TTC14: variants seen among roughly 807,000 people sequenced by gnomAD.
TTC14 encodes the protein tetratricopeptide repeat protein 14.
Under a neutral mutation model 79.9 loss-of-function variants are expected in TTC14, and 63 were observed. The observed-to-expected ratio is 0.79, with a 90% CI of 0.64 to 0.97. The LOEUF (loss-of-function observed/expected upper bound fraction) is 0.97, where lower values mean the gene tolerates loss of function less well. Among genes scored for constraint, TTC14 ranks in the 50% least tolerant of loss-of-function variants. TTC14 has a pLI of 0.00. For synonymous variants in TTC14, 335 were observed against 309.6 expected (o/e 1.08, Z -0.86); for missense variants, 895 against 894.0 (o/e 1.00, Z -0.01).
chr3:180,603,773 T>C (rs1560071207), intron 3 of TTC14: 1 of 221,910 alleles, frequency 4.5e-6, no homozygotes, highest in African/African-American at 2.4e-5. Context: ...CCAAGATGGA[T>C]AGTCCTGAAT....
rs1225379406 is a variant in TTC14 at position 180,610,066 on chromosome 3, A to C, written c.1837A>C (p.Thr613Pro). 2 of 1,613,966 alleles carry C rather than the reference A, an allele frequency of 1.2e-6. No homozygotes were observed. The highest frequency in any genetic ancestry group is 1.7e-5 in the Admixed American group (1 of 60,004). Reference sequence around the variant, plus strand: ...TAAAACCCAAGCAGGTAGTAGCAAAACAGAAAAGCCATATAAATCAGAAAG... The same window carrying C: ...TAAAACCCAAGCAGGTAGTAGCAAACCAGAAAAGCCATATAAATCAGAAAG... ...SYKTQAGSSK[T>P]EKPYKSERHF... is the part of the protein sequence containing the mutation. The change falls in exon 12 of 12, where the codon ACA becomes CCA. Residue 613 changes from threonine (T) to proline (P), a missense_variant. By Grantham distance (38) the Thr-to-Pro change is conservative (BLOSUM62 -1). Coordinates refer to ENST00000296015, the MANE Select transcript of TTC14 (RefSeq NM_133462.4).
At chr3:180,614,944 T>C, downstream of TTC14, 1 of 1,565,630 alleles carries the variant, frequency 6.4e-7, no homozygotes, top group Non-Finnish European at 8.7e-7. Flanking sequence ...TTTTTGCTCT[T>C]AACATTACTA....
intron 7 of TTC14, 182 bp from the exon 8 acceptor site, chr3:180,606,071 A>G: frequency 2.2e-6 from 2 of 902,674 alleles, no homozygotes; most frequent in Non-Finnish European, 3.3e-6. Flanking sequence ...TCTAGGTTTC[A>G]CCAATATTTG....
downstream of TTC14, among the ~76,000 whole-genome samples, chr3:180,615,590 C>A (rs934113904): frequency 6.6e-6 from 1 of 152,000 alleles, no homozygotes; most frequent in African/African-American, 2.4e-5. Flanking sequence ...TATATAGAAA[C>A]AGTTTTTTAT....
At chr3:180,616,732 G>A in intron 12 of TTC14, 1 of 1,572,188 alleles carries the variant, frequency 6.4e-7, no homozygotes, top group Non-Finnish European at 8.6e-7. Context: ...CTATAAACGT[G>A]TTTACCAGAA....
chr3:180,608,543 A>AT, intron 10 of TTC14, 158 bp from the exon 11 acceptor site: 6 of 1,253,694 alleles, frequency 4.8e-6, no homozygotes, highest in Non-Finnish European at 6.1e-6. Flanking sequence ...TGTATGACTA[A>AT]TTTTTTTATG....
chr3:180,605,589 TACTGTTTA>T (rs1716635131), intron 6 of TTC14, 169 bp from the exon 7 acceptor site: 1 of 528,414 alleles, frequency 1.9e-6, no homozygotes, highest in Non-Finnish European at 3.2e-6. Context: ...CCAAGAAAAA[TACTGTTTA>T]ACAATAATAA....
chr3:180,616,718 T>G, intron 12 of TTC14: 1 of 1,578,948 alleles, frequency 6.3e-7, no homozygotes. Flanking sequence ...AATAGTCAAT[T>G]ATTCTATAAA....
At chr3:180,606,186 T>C (rs761673713) in intron 7 of TTC14, 67 bp from the exon 8 acceptor site, 167 of 1,588,044 alleles carry the variant, frequency 1.1e-4, no homozygotes, top group Non-Finnish European at 1.3e-4. Context: ...TTAAAACTTA[T>C]TCACACTAAC....
chr3:180,607,629 ATCTT>A lies in TTC14; in HGVS notation c.1173-12_1173-9del, dbSNP rs754944795. 1.9e-6 allele frequency: 3 copies of A among 1,594,202 alleles called. No individual in the cohort carries two copies. The highest frequency in any genetic ancestry group is 1.4e-5 in the African/African-American group (1 of 73,676). ...TTTGTTGTTTTTACAAAAAAGCTAAATCTTTCTTTCAAATTTAGGTTAGAAGAAG... is the reference window on the plus strand; with the variant it reads ...TTTGTTGTTTTTACAAAAAAGCTAAATCTTTCAAATTTAGGTTAGAAGAAG... On this transcript the variant is annotated splice_polypyrimidine_tract_variant and intron_variant, in intron 9 of 11. Transcript: ENST00000296015.
chr3:180,610,013 A>T lies in TTC14; in HGVS notation c.1784A>T (p.Glu595Val). 6.2e-7 allele frequency: 1 copy of T among 1,614,064 alleles called. No homozygotes were observed. The highest frequency in any genetic ancestry group is 8.5e-7 in the Non-Finnish European group (1 of 1,179,958). The change falls in exon 12 of 12, where the codon GAA becomes GTA. Residue 595 changes from glutamate (E) to valine (V), a missense_variant. Coordinates refer to ENST00000296015, the MANE Select transcript of TTC14 (RefSeq NM_133462.4). ...CCGGATGATTTTGGAGGTAGGTCTG[A>T]AGATCCAAGAGATTTTTATAACAGC... is the stretch of plus-strand genomic sequence containing the variant. ...EIPDDFGGRS[E>V]DPRDFYNSYK...
rs778558578 is a variant in TTC14, at chr3:180,606,330, T to C, written c.1007T>C (p.Ile336Thr). The C allele has an allele frequency of 5.0e-6, 8 of 1,614,100 alleles. No individual in the cohort carries two copies. The South Asian group carries it at 8.8e-5, about 18-fold the overall frequency. ...AMNEYNKALE[I>T]DKQNVEALVA... ...AATGAATACAATAAAGCTTTGGAAATAGACAAACAAAACGTGGAAGCTTTG... is the reference window on the plus strand; with the variant it reads ...AATGAATACAATAAAGCTTTGGAAACAGACAAACAAAACGTGGAAGCTTTG... Residue 336 changes from isoleucine (I) to threonine (T), a missense_variant, in exon 8 of 12, where the codon ATA (isoleucine) becomes ACA (threonine). Ile to Thr is a moderately conservative substitution (Grantham distance 89). Coordinates refer to ENST00000296015, the MANE Select transcript of TTC14 (RefSeq NM_133462.4).
In TTC14 at chr3:180,604,460, C is replaced by CTT. The variant is rs59520418; in HGVS notation, c.572-8_572-7dup. ...TTTTCTTACTAATCAGCTTAGTTCTCTTTTTTTTTTTCTTAAGCTGGAATC... is the reference window on the plus strand; with the variant it reads ...TTTTCTTACTAATCAGCTTAGTTCTCTTTTTTTTTTTTTCTTAAGCTGGAATC... On this transcript the variant is annotated splice_polypyrimidine_tract_variant and intron_variant, in intron 4 of 11. Transcript: ENST00000296015. 245 of 1,302,766 alleles carry CTT rather than the reference C, an allele frequency of 1.9e-4. No individual in the cohort carries two copies. The highest frequency in any genetic ancestry group is 5.1e-4 in the South Asian group (35 of 68,810). 80.7% of individuals were successfully genotyped at this position (1,302,766 alleles called of 1,614,324 possible).
intron 5 of TTC14, 25 bp from the exon 6 acceptor site, chr3:180,604,827 A>C: frequency 6.3e-7 from 1 of 1,583,964 alleles, no homozygotes; most frequent in South Asian, 1.1e-5. Context: ...TCATTTTACA[A>C]TTTTTGTGTT....
At position 180,605,777 on chromosome 3, in the gene TTC14, C is replaced by T. The variant is rs1716646321; in HGVS notation, c.869C>T (p.Ser290Phe). Residue 290 changes from serine to phenylalanine, a missense_variant, in exon 7 of 12, where the codon TCT becomes TTT. Transcript: ENST00000296015. ...ATTTTCTTTAATAGCAAAAATTTCT[C>T]TGAAGATGATTTTGCTTCTGCATTG... The part of the protein sequence containing the change: ...LMRGLQSKNF[S>F]EDDFASALRK... 6.4e-6 allele frequency: 10 copies of T among 1,565,654 alleles called. No individual in the cohort carries two copies. Among genetic ancestry groups the T allele is most frequent in the Non-Finnish European group, 8.6e-6 (10 of 1,166,068 alleles).
rs769624715 is a variant in TTC14 at position 180,610,450 on chromosome 3, A to C, written c.2221A>C (p.Ser741Arg). Residue 741 changes from serine to arginine, a missense_variant, in exon 12 of 12, where the codon AGT (serine) becomes CGT (arginine). Physicochemically the swap from Ser to Arg is moderately radical, Grantham distance 110. Transcript: ENST00000296015. ...AAGTAGCAAAGAACACTCAGAAAGC[A>C]GTGTTAAGAAAAATTTACCTCAGAA... ...ALSSKEHSESSVKKNLPQNLL... is the reference protein window; with the variant it reads ...ALSSKEHSESRVKKNLPQNLL... 2 of 1,610,534 alleles carry C rather than the reference A, an allele frequency of 1.2e-6. No individual in the cohort carries two copies. The highest frequency in any genetic ancestry group is 2.2e-5 in the South Asian group (2 of 89,752).
chr3:180,603,453 G>C (rs1716499632), intron 3 of TTC14, 130 bp downstream of exon 3: 2 of 803,746 alleles, frequency 2.5e-6, no homozygotes, highest in Non-Finnish European at 4.0e-6. Flanking sequence ...ATGTTAATTG[G>C]AGAAAAATAG....
At chr3:180,614,835 C>A, downstream of TTC14, 1 of 1,230,910 alleles carries the variant, frequency 8.1e-7, no homozygotes, top group Non-Finnish European at 1.1e-6. Context: ...ACACTTTCCA[C>A]TAGATAAAAT....
chr3:180,613,999 G>A (rs1717121069), downstream of TTC14: 5 of 360,224 alleles, frequency 1.4e-5, no homozygotes, highest in South Asian at 2.2e-5. Flanking sequence ...GGAGACACAT[G>A]TACATTCGTG....
Sources: allele counts gnomAD v4.1 joint callset (sites outside exome capture counted in the v4.1 genomes callset), GRCh38; gene constraint gnomAD v4.1.1; transcripts MANE v1.5; gene names NCBI Gene and HGNC (gene_info 2026-07-23, HGNC 2026-07-21).